Variants in ABHD4 observed in about 807,000 individuals in gnomAD.
ABHD4 encodes the protein abhydrolase domain containing 4, N-acyl phospholipase B, also known as (Lyso)-N-acylphosphatidylethanolamine lipase.
A neutral mutation model predicts 42.3 loss-of-function variants in ABHD4; 35 were observed. The observed-to-expected ratio is 0.83, with a 90% confidence interval of 0.63 to 1.10. The LOEUF (loss-of-function observed/expected upper bound fraction) is 1.10, where lower values mean the gene tolerates loss of function less well. Among genes scored for constraint, ABHD4 ranks in the 50% least tolerant of loss-of-function variants. ABHD4 has a pLI of 0.00. For synonymous variants in ABHD4, 169 were observed against 170.6 expected, an observed-to-expected ratio of 0.99 and a Z score of 0.07; for missense variants, 389 against 454.8, an observed-to-expected ratio of 0.86 and a Z score of 1.32.
chr14:22,610,049 T>C, intron 6 of ABHD4, 139 bp downstream of exon 6: 1 of 780,184 alleles, frequency 1.3e-6, no homozygotes, highest in Non-Finnish European at 1.9e-6. Flanking sequence ...GTTTGGAAAC[T>C]CTCTTTGGAA....
chr14:22,601,242 G>A (rs1160218961), intron 1 of ABHD4, among the ~76,000 whole-genome samples: 1 of 152,202 alleles, frequency 6.6e-6, no homozygotes, highest in Non-Finnish European at 1.5e-5. Context: ...TAGGGCAGAT[G>A]GCATGGGAAT....
At chr14:22,600,194 G>C in intron 1 of ABHD4, 1 of 455,934 alleles carries the variant, frequency 2.2e-6, no homozygotes, top group Middle Eastern at 3.3e-4. Flanking sequence ...CACATTGCTG[G>C]TAAGTGACAG....
intron 6 of ABHD4, 32 bp from the exon 7 acceptor site, chr14:22,610,827 C>T (rs1179397949): frequency 1.9e-6 from 3 of 1,578,584 alleles, no homozygotes; most frequent in Admixed American, 3.3e-5. Context: ...GAATAAAAGG[C>T]CATCCCACCC....
At position 22,609,914 on chromosome 14, in the gene ABHD4, T is replaced by A; in HGVS notation, c.939+4T>A. The A allele has an allele frequency of 1.9e-6, 3 of 1,613,538 alleles. No individual in the cohort carries two copies. The highest frequency in any genetic ancestry group is 2.5e-6 in the Non-Finnish European group (3 of 1,179,764). On this transcript the variant is annotated splice_donor_region_variant and intron_variant, in intron 6 of 6. Coordinates refer to ENST00000428304, the MANE Select transcript of ABHD4 (RefSeq NM_022060.3). ...GGATTCCTATGTCCGAGACATGGTATGTTGCACCACCCAAGGAGTGGAAAT... is the reference window on the plus strand; with the variant it reads ...GGATTCCTATGTCCGAGACATGGTAAGTTGCACCACCCAAGGAGTGGAAAT...
chr14:22,609,495 T>C, intron 5 of ABHD4: 1 of 472,866 alleles, frequency 2.1e-6, no homozygotes, highest in Admixed American at 3.6e-5. Flanking sequence ...CTCAGATTCT[T>C]GGACAGTTCG....
chr14:22,598,347 C>T lies in ABHD4; in HGVS notation c.23+18C>T. ...GAGCAGCAGTGAGTTAATCCTGTCC[C>T]TTTCTCTCTTTCTCTCTCTCTCTCT... On this transcript the variant is annotated intron_variant, in intron 1 of 6. Coordinates refer to ENST00000428304, the MANE Select transcript of ABHD4 (RefSeq NM_022060.3). 1 of 1,549,800 alleles carries T rather than the reference C, an allele frequency of 6.5e-7. No homozygotes were observed. Among genetic ancestry groups the T allele is most frequent in the East Asian group, 2.4e-5 (1 of 40,902 alleles).
At chr14:22,608,378 CAGCCTTGT>C (rs1443787269) in intron 5 of ABHD4, among the ~76,000 whole-genome samples, 1 of 152,200 alleles carries the variant, frequency 6.6e-6, no homozygotes, top group East Asian at 1.9e-4. Context: ...GGCTCTGCCC[CAGCCTTGT>C]GGACACCTCA....
At chr14:22,610,471 A>G (rs1191930258) in intron 6 of ABHD4, among the ~76,000 whole-genome samples, 1 of 152,138 alleles carries the variant, frequency 6.6e-6, no homozygotes, top group African/African-American at 2.4e-5. Context: ...CAGTAGAGTG[A>G]ATAGTAGAGG....
rs185365437 is a variant in ABHD4 at position 22,603,888 on chromosome 14, T to C, written c.486-37T>C. ...AGGGGCTATGGCAACTACCAGAGAATATAATGTGTCTTCTCCTCTTTCCGC... is the reference window on the plus strand; with the variant it reads ...AGGGGCTATGGCAACTACCAGAGAACATAATGTGTCTTCTCCTCTTTCCGC... On this transcript the variant is annotated intron_variant, in intron 3 of 6. Transcript: ENST00000428304. 2.5e-3 allele frequency: 3,954 copies of C among 1,610,128 alleles called. 100 individuals are homozygous for C. In the South Asian group the frequency reaches 0.041, roughly 17 times the overall value.
intron 6 of ABHD4, 134 bp downstream of exon 6, chr14:22,610,044 G>C: frequency 3.7e-6 from 3 of 821,782 alleles, no homozygotes; most frequent in Non-Finnish European, 5.4e-6. Context: ...GAGAAGTTTG[G>C]AAACTCTCTT....
chr14:22,605,679 G>A lies in ABHD4; in HGVS notation c.641-743G>A. 5 of 484,266 alleles carry A rather than the reference G, an allele frequency of 1.0e-5. No homozygotes were observed. The Admixed American group carries it at 1.3e-4, about 13-fold the overall frequency. The allele number at this position is 484,266 out of a possible 1,614,324, so 30.0% of individuals were successfully genotyped here. A position where few individuals can be genotyped will look rare whatever the true frequency, so the allele number is the denominator to read the frequency against. On this transcript the variant is annotated intron_variant, in intron 4 of 6. Transcript: ENST00000428304. ...AGAGCTATCATAGTTGGGGAAGTTG[G>A]CCAGCAGCCATGAGGGACTATGCAG...
chr14:22,598,527 A>G, intron 1 of ABHD4, 198 bp downstream of exon 1: 1 of 1,485,164 alleles, frequency 6.7e-7, no homozygotes. Context: ...CTGGGGAGCC[A>G]TGGGAGACGC....
In ABHD4 at chr14:22,611,320, C is replaced by T. The variant is rs149353572; in HGVS notation, c.*372C>T. On this transcript the variant is annotated 3_prime_UTR_variant, in exon 7 of 7. Transcript: ENST00000428304. Reference sequence around the variant, plus strand: ...AAAGAAGGGCTTCCAGTGGCCTTTCCTCACTCTGTAGTGTTTGTGGGGATA... The same window carrying T: ...AAAGAAGGGCTTCCAGTGGCCTTTCTTCACTCTGTAGTGTTTGTGGGGATA... 3.1e-4 allele frequency: 73 copies of T among 233,820 alleles called. 1 individual carries two copies. Among genetic ancestry groups the T allele is most frequent in the African/African-American group, 1.5e-3 (70 of 45,274 alleles). The allele number at this position is 233,820 out of a possible 1,614,324, so 14.5% of individuals were successfully genotyped here.
chr14:22,600,050 A>T, intron 1 of ABHD4: 1 of 336,286 alleles, frequency 3.0e-6, no homozygotes, highest in South Asian at 2.1e-5. Flanking sequence ...AGTTTGTGCT[A>T]GGCAATATTC....
At chr14:22,598,588 G>A (rs1566379544) in intron 1 of ABHD4, 6 of 928,894 alleles carry the variant, frequency 6.5e-6, no homozygotes, top group Non-Finnish European at 9.8e-6. Context: ...CCTCGCGAGT[G>A]CCCCTCATTC....
intron 1 of ABHD4, 168 bp downstream of exon 1, chr14:22,598,497 A>T (rs957858955): frequency 1.3e-6 from 2 of 1,532,354 alleles, no homozygotes. Flanking sequence ...GCATTTGCCC[A>T]GAAGAGGCAG....
chr14:22,601,871 GT>G (rs2037289706), intron 2 of ABHD4, 116 bp downstream of exon 2: 1 of 885,500 alleles, frequency 1.1e-6, no homozygotes, highest in Non-Finnish European at 1.8e-6. Context: ...TGTGTATGGG[GT>G]GGGAGGAAAG....
At chr14:22,606,771 T>A (rs572940572) in intron 5 of ABHD4, among the ~76,000 whole-genome samples, 2 of 152,298 alleles carry the variant, frequency 1.3e-5, no homozygotes, top group South Asian at 4.1e-4. Flanking sequence ...GCCCTCCCTG[T>A]TCCCTACAGG....
chr14:22,610,145 CCTCCCGG>C (rs2037395679), intron 6 of ABHD4, among the ~76,000 whole-genome samples: 1 of 152,066 alleles, frequency 6.6e-6, no homozygotes, highest in African/African-American at 2.4e-5. Context: ...GCAACCTCCG[CCTCCCGG>C]GTTCAAGCGA....
Sources: gnomAD v4.1 joint callset for allele counts (sites outside exome capture counted in the v4.1 genomes callset) on GRCh38, gnomAD v4.1.1 for gene constraint, MANE v1.5 for transcripts, NCBI Gene and HGNC (gene_info 2026-07-23, HGNC 2026-07-21) for gene names.